The following FOSL2 variants were observed in gnomAD, a reference collection of about 807,000 sequenced individuals.
FOSL2 encodes fos-related antigen 2.
In FOSL2, 3 loss-of-function variants were observed where a neutral mutation model predicts 27.7. The observed-to-expected ratio is 0.11, with a 90% confidence interval of 0.05 to 0.28. The LOEUF (loss-of-function observed/expected upper bound fraction) is 0.28. Among genes scored for constraint, FOSL2 ranks in the 10% least tolerant of loss-of-function variants. The probability of loss-of-function intolerance (pLI) is 1.00; values close to 1 mark genes in which losing one functional copy is unlikely to be tolerated. For missense variants in FOSL2, 333 were observed against 445.1 expected (o/e 0.75, Z 2.27); for synonymous variants, 179 against 190.1 (o/e 0.94, Z 0.48).
intron 1 of FOSL2, 130 bp from the exon 2 acceptor site, chr2:28,403,977 C>G (rs1387943342): frequency 3.8e-6 from 4 of 1,044,708 alleles, no homozygotes; most frequent in Non-Finnish European, 5.6e-6. Context: ...CACCTGGGGT[C>G]CTGACCTTGC....
chr2:28,393,478 C>G lies in FOSL2; in HGVS notation c.-243C>G. 2.1e-6 allele frequency: 1 copy of G among 480,404 alleles called. No homozygotes were observed. The highest frequency in any genetic ancestry group is 2.6e-5 in the South Asian group (1 of 39,194). The allele number at this position is 480,404 out of a possible 1,614,324, so 29.8% of individuals were successfully genotyped here. A position where few individuals can be genotyped will look rare whatever the true frequency, so the allele number is the denominator to read the frequency against. On this transcript the variant is annotated 5_prime_UTR_variant, in exon 1 of 4. Transcript: ENST00000264716. This position sits in a 1 kb window ranked among gnomAD's most constrained non-coding sequence, Gnocchi z 4.6. ...TTAGAGGGAGGGATCGGGTGGACAA[C>G]TGGTCCCGCGGCGCTCGCAGAGCCG...
chr2:28,411,837 A>T (rs1664203724), intron 3 of FOSL2, 93 bp from the exon 4 acceptor site: 5 of 1,397,306 alleles, frequency 3.6e-6, no homozygotes, highest in Non-Finnish European at 4.1e-6. Context: ...CTCTGCTCTC[A>T]CAGTGTCTGA....
intron 1 of FOSL2, among the ~76,000 whole-genome samples, 190 bp downstream of exon 1, chr2:28,394,012 T>C (rs992529374): frequency 7.1e-6 from 1 of 141,442 alleles, no homozygotes; most frequent in South Asian, 2.6e-4. Context: ...GAGAGTGGGC[T>C]TGAAGAGACA....
Position 28,413,374 on chromosome 2 carries a change from C to T in FOSL2, c.*926C>T, listed in dbSNP as rs574883018. The T allele has an allele frequency of 1.8e-4, 70 of 397,678 alleles. No homozygotes were observed. In the Middle Eastern group the frequency reaches 1.9e-3, roughly 11 times the overall value. The allele number at this position is 397,678 out of a possible 1,614,324, so 24.6% of individuals were successfully genotyped here. A position where few individuals can be genotyped will look rare whatever the true frequency, so the allele number is the denominator to read the frequency against. On this transcript the variant is annotated 3_prime_UTR_variant, in exon 4 of 4. Transcript: ENST00000264716. ...CATTCTGCCCCTGGACCCTTCTCTC[C>T]GGACCAGGGAGGCGTCCCTCCCTAG...
At chr2:28,406,944 C>T (rs145772086) in intron 2 of FOSL2, among the ~76,000 whole-genome samples, 9 of 152,258 alleles carry the variant, frequency 5.9e-5, no homozygotes, top group Admixed American at 6.5e-5. Context: ...GTGTGTGTGG[C>T]TTGTGGGTGG....
At chr2:28,407,906 T>C (rs1274139797) in intron 2 of FOSL2, among the ~76,000 whole-genome samples, 2 of 152,222 alleles carry the variant, frequency 1.3e-5, no homozygotes, top group Non-Finnish European at 2.9e-5. Context: ...CCTAACTGTC[T>C]CACTGGAAGA....
At chr2:28,394,264 C>T (rs866777589) in intron 1 of FOSL2, among the ~76,000 whole-genome samples, 2 of 152,010 alleles carry the variant, frequency 1.3e-5, no homozygotes, top group African/African-American at 2.4e-5. Context: ...CTCTCTCTCT[C>T]CTCCCCGTTC....
chr2:28,396,560 G>C (rs543112218), intron 1 of FOSL2, among the ~76,000 whole-genome samples: 5 of 151,880 alleles, frequency 3.3e-5, no homozygotes, highest in Non-Finnish European at 5.9e-5. Flanking sequence ...CAGGGCCTGA[G>C]CATTACGCAA....
chr2:28,402,879 A>C (rs1019228314), intron 1 of FOSL2, among the ~76,000 whole-genome samples: 7 of 152,208 alleles, frequency 4.6e-5, no homozygotes, highest in African/African-American at 1.7e-4. Flanking sequence ...ACTAAGCCTA[A>C]ATTTCTGTCC....
intron 2 of FOSL2, among the ~76,000 whole-genome samples, chr2:28,406,067 T>TC: frequency 2.0e-5 from 3 of 146,938 alleles, no homozygotes; most frequent in Non-Finnish European, 4.5e-5. Context: ...TTTTTTTTTT[T>TC]CTTTTTGAGA....
chr2:28,396,813 C>CACACACAA (rs1161903354), intron 1 of FOSL2: 76 of 148,462 alleles, frequency 5.1e-4, no homozygotes, highest in African/African-American at 1.1e-3. Flanking sequence ...CACACACACA[C>CACACACAA]ACACACACAC....
Position 28,404,461 on chromosome 2 carries a change from A to AG in FOSL2, c.354+107dup. 1 of 1,379,492 alleles carries AG rather than the reference A, an allele frequency of 7.2e-7. No homozygotes were observed. Among genetic ancestry groups the AG allele is most frequent in the Non-Finnish European group, 9.9e-7 (1 of 1,012,878 alleles). 85.5% of individuals were successfully genotyped at this position (1,379,492 alleles called of 1,614,324 possible). A position where few individuals can be genotyped will look rare whatever the true frequency, so the allele number is the denominator to read the frequency against. On this transcript the variant is annotated intron_variant, in intron 2 of 3. Transcript: ENST00000264716. The surrounding 1 kb of genome is among the most constrained non-coding windows in gnomAD (Gnocchi z 4.7). ...CTGGGAGGGTTAATGTTCTGAGAGC[A>AG]GGGGAGACAAGGGAGCTAGGGGTCG...
chr2:28,406,092 A>G (rs556920932), intron 2 of FOSL2, among the ~76,000 whole-genome samples: 6 of 136,668 alleles, frequency 4.4e-5, no homozygotes, highest in South Asian at 4.5e-4. Flanking sequence ...GTCCTGCTCT[A>G]TCACTCAGGC....
intron 1 of FOSL2, among the ~76,000 whole-genome samples, chr2:28,399,610 G>T (rs1663930476): frequency 6.6e-6 from 1 of 152,180 alleles, no homozygotes; most frequent in Non-Finnish European, 1.5e-5. Flanking sequence ...GCTTGTAAGG[G>T]TTTGAACGTC....
rs1572479531 is a variant in FOSL2, at chr2:28,392,932, G to A, written c.-789G>A. On this transcript the variant is annotated 5_prime_UTR_variant, in exon 1 of 4. Transcript: ENST00000264716. ...GCGAGCGAACGAGCGGCGCTCGGCG[G>A]GGACAGAAAGAGGGAGAGAGAGAGA... is the stretch of plus-strand genomic sequence containing the variant. The A allele has an allele frequency of 1.4e-6, 1 of 710,646 alleles. No individual in the cohort carries two copies. The highest frequency in any genetic ancestry group is 2.6e-6 in the Non-Finnish European group (1 of 381,450). 44.0% of individuals were successfully genotyped at this position (710,646 alleles called of 1,614,324 possible). A position where few individuals can be genotyped will look rare whatever the true frequency, so the allele number is the denominator to read the frequency against.
Position 28,408,674 on chromosome 2 carries a change from C to G in FOSL2, c.355-85C>G. 1 of 970,348 alleles carries G rather than the reference C, an allele frequency of 1.0e-6. No individual in the cohort carries two copies. The highest frequency in any genetic ancestry group is 1.5e-6 in the Non-Finnish European group (1 of 672,658). 60.1% of individuals were successfully genotyped at this position (970,348 alleles called of 1,614,324 possible). A position where few individuals can be genotyped will look rare whatever the true frequency, so the allele number is the denominator to read the frequency against. ...CCTTTCTCCATTTCCAGAAGGGCTT[C>G]TTGCCTTACTTAAAATACAGTTTTT... On this transcript the variant is annotated intron_variant, in intron 2 of 3. Coordinates refer to ENST00000264716, the MANE Select transcript of FOSL2 (RefSeq NM_005253.4). This position sits in a 1 kb window ranked among gnomAD's most constrained non-coding sequence, Gnocchi z 4.1.
chr2:28,414,008 C>T lies in FOSL2; in HGVS notation c.*1560C>T. The T allele has an allele frequency of 2.5e-6, 1 of 395,466 alleles. No individual in the cohort carries two copies. Among genetic ancestry groups the T allele is most frequent in the Non-Finnish European group, 4.5e-6 (1 of 224,592 alleles). 24.5% of individuals were successfully genotyped at this position (395,466 alleles called of 1,614,324 possible). A position where few individuals can be genotyped will look rare whatever the true frequency, so the allele number is the denominator to read the frequency against. On this transcript the variant is annotated 3_prime_UTR_variant, in exon 4 of 4. Coordinates refer to ENST00000264716, the MANE Select transcript of FOSL2 (RefSeq NM_005253.4). ...CTGCCCACCCCTCTGAGCCTTTTCT[C>T]CCCAGGGTATGGCTCCTGCTGAGTT...
chr2:28,403,327 G>T (rs578177069), intron 1 of FOSL2, among the ~76,000 whole-genome samples: 4 of 152,250 alleles, frequency 2.6e-5, no homozygotes, highest in Admixed American at 1.3e-4. Context: ...ATTAAGAAGC[G>T]GGGAGAAAAC....
chr2:28,394,574 A>AGAG (rs1663768911), intron 1 of FOSL2: 1 of 152,468 alleles, frequency 6.6e-6, no homozygotes, highest in African/African-American at 2.4e-5. Context: ...GGCAGAGGGA[A>AGAG]GAGGGGGTCG....
Sources: allele counts gnomAD v4.1 joint callset (sites outside exome capture counted in the v4.1 genomes callset), GRCh38; gene constraint gnomAD v4.1.1; non-coding constraint Gnocchi (gnomAD v3.1); transcripts MANE v1.5; gene names NCBI Gene and HGNC (gene_info 2026-07-23, HGNC 2026-07-21).